The following KDM4C variants were observed in gnomAD, a reference collection of about 807,000 sequenced individuals.
The protein encoded by KDM4C is lysine-specific demethylase 4C.
KDM4C carries 81 observed loss-of-function variants against 129.3 expected under a neutral mutation model. That is an observed-to-expected ratio of 0.63 (90% CI 0.52 to 0.75). KDM4C has a LOEUF of 0.75. Among genes scored for constraint, KDM4C ranks in the 30% least tolerant of loss-of-function variants. KDM4C has a pLI of 0.00. For missense variants in KDM4C, 1,457 were observed against 1,304.0 expected, an observed-to-expected ratio of 1.12 and a Z score of -1.81; for synonymous variants, 573 against 456.1, an observed-to-expected ratio of 1.26 and a Z score of -3.26.
chr9:7,077,510 A>G (rs934221172), intron 17 of KDM4C, among the ~76,000 whole-genome samples: 4 of 152,194 alleles, frequency 2.6e-5, no homozygotes, highest in Non-Finnish European at 4.4e-5. Context: ...TCATATTGAT[A>G]TCTTTATTCC....
intron 1 of KDM4C, among the ~76,000 whole-genome samples, chr9:6,788,847 A>AG (rs1588270475): frequency 6.6e-6 from 1 of 152,112 alleles, no homozygotes; most frequent in African/African-American, 2.4e-5. Context: ...TAGGAATCTC[A>AG]GGGGTGTGCA....
At chr9:6,986,265 C>T in intron 10 of KDM4C, 79 bp from the exon 11 acceptor site, 1 of 938,782 alleles carries the variant, frequency 1.1e-6, no homozygotes, top group South Asian at 1.7e-5. Flanking sequence ...GATACAGAAT[C>T]ATTTGGGAAT....
At chr9:6,740,462 C>T (rs2130257377) in intron 1 of KDM4C, among the ~76,000 whole-genome samples, 1 of 152,246 alleles carries the variant, frequency 6.6e-6, no homozygotes, top group East Asian at 1.9e-4. Context: ...CTCGGCCTCC[C>T]AAAGTGCTGG....
At chr9:6,733,745 G>C (rs1247774330) in intron 1 of KDM4C, among the ~76,000 whole-genome samples, 1 of 152,206 alleles carries the variant, frequency 6.6e-6, no homozygotes, top group African/African-American at 2.4e-5. Context: ...CTATTCCATA[G>C]ACAGAGCAGC....
chr9:6,886,463 C>A (rs1181662889), intron 6 of KDM4C, among the ~76,000 whole-genome samples: 3 of 151,182 alleles, frequency 2.0e-5, no homozygotes, highest in African/African-American at 7.3e-5. Flanking sequence ...CAGGCACGCA[C>A]CACCATGCCC....
rs557264401 is a variant in KDM4C at position 7,082,163 on chromosome 9, G to A, written c.2425-21522G>A. ...GTTTGTGTCACTACAGCCTCACATGGGGCCTGAGTTTATACTCAGGAAAGG... is the reference window on the plus strand; with the variant it reads ...GTTTGTGTCACTACAGCCTCACATGAGGCCTGAGTTTATACTCAGGAAAGG... On this transcript the variant is annotated intron_variant, in intron 17 of 21. Coordinates refer to ENST00000381309, the MANE Select transcript of KDM4C (RefSeq NM_015061.6). Among the ~76,000 whole-genome samples, 18 of 126,390 alleles carry A rather than the reference G, an allele frequency of 1.4e-4. No homozygotes were observed. In the East Asian group the frequency reaches 2.9e-3, roughly 20 times the overall value. 82.9% of individuals were successfully genotyped at this position (126,390 alleles called of 152,430 possible). A position where few individuals can be genotyped will look rare whatever the true frequency, so the allele number is the denominator to read the frequency against.
intron 5 of KDM4C, among the ~76,000 whole-genome samples, chr9:6,856,022 T>G (rs1335089447): frequency 6.6e-6 from 1 of 152,226 alleles, no homozygotes; most frequent in Non-Finnish European, 1.5e-5. Flanking sequence ...ATTATAGGCG[T>G]GAGTCACCAT....
At chr9:6,986,862 C>T (rs2131870366) in intron 11 of KDM4C, 196 bp downstream of exon 11, 1 of 496,666 alleles carries the variant, frequency 2.0e-6, no homozygotes, top group Middle Eastern at 5.1e-4. Context: ...GATAATTTAG[C>T]ACATGGAGCT....
intron 17 of KDM4C, chr9:7,077,145 G>A: frequency 1.0e-6 from 1 of 985,424 alleles, no homozygotes; most frequent in South Asian, 4.7e-5. Context: ...GCTGACAGAT[G>A]TTGAGAACGG....
At chr9:7,171,098 G>T (rs1844916586) in intron 21 of KDM4C, among the ~76,000 whole-genome samples, 1 of 152,108 alleles carries the variant, frequency 6.6e-6, no homozygotes, top group South Asian at 2.1e-4. Context: ...ATGGGATCCT[G>T]ACAGCAGAGT....
At chr9:7,136,848 C>T (rs1841261841) in intron 19 of KDM4C, among the ~76,000 whole-genome samples, 1 of 152,116 alleles carries the variant, frequency 6.6e-6, no homozygotes, top group Non-Finnish European at 1.5e-5. Context: ...TCAACTTTTT[C>T]TTAATGGATC....
At chr9:6,766,410 T>C (rs1369246107) in intron 1 of KDM4C, among the ~76,000 whole-genome samples, 1 of 152,048 alleles carries the variant, frequency 6.6e-6, no homozygotes, top group East Asian at 1.9e-4. Context: ...TGGGAAGGAA[T>C]GGGAAAATTT....
intron 1 of KDM4C, among the ~76,000 whole-genome samples, chr9:6,725,290 G>A (rs1200258748): frequency 1.3e-5 from 2 of 151,142 alleles, no homozygotes; most frequent in Admixed American, 1.3e-4. Flanking sequence ...GCAACTGAGG[G>A]TGAACACATT....
intron 17 of KDM4C, among the ~76,000 whole-genome samples, chr9:7,062,991 A>G (rs911939252): frequency 1.3e-5 from 2 of 152,218 alleles, no homozygotes; most frequent in East Asian, 1.9e-4. Context: ...CACAAACTTT[A>G]TGAAACTCTT....
intron 17 of KDM4C, among the ~76,000 whole-genome samples, chr9:7,081,951 C>T (rs953929153): frequency 6.6e-6 from 1 of 152,056 alleles, no homozygotes; most frequent in African/African-American, 2.4e-5. Context: ...TAGTTGCCGG[C>T]TAATGGACTT....
intron 17 of KDM4C, among the ~76,000 whole-genome samples, chr9:7,091,891 C>G (rs1835847347): frequency 6.6e-6 from 1 of 152,198 alleles, no homozygotes; most frequent in African/African-American, 2.4e-5. Flanking sequence ...TGATGCTTGT[C>G]CTGACACAGG....
chr9:7,008,564 C>G (rs1250026326), intron 12 of KDM4C, among the ~76,000 whole-genome samples: 3 of 152,184 alleles, frequency 2.0e-5, no homozygotes, highest in African/African-American at 4.8e-5. Flanking sequence ...GGGTACAGGT[C>G]TACCATAGAA....
At chr9:7,146,272 T>C (rs899207273) in intron 19 of KDM4C, among the ~76,000 whole-genome samples, 1 of 152,250 alleles carries the variant, frequency 6.6e-6, no homozygotes, top group Non-Finnish European at 1.5e-5. Flanking sequence ...TAGGTGATTA[T>C]GATTTTCAAC....
rs562032098 is a variant in KDM4C, at chr9:7,044,675, C to T, written c.2260-2187C>T. ...AGAAGAAGATATGAGTTCAGTTTTG[C>T]ATGTGTGTTTGAGATACCTGTGGCA... On this transcript the variant is annotated intron_variant, in intron 15 of 21. Transcript: ENST00000381309. Among the ~76,000 whole-genome samples, 5 of 152,024 alleles carry T rather than the reference C, an allele frequency of 3.3e-5. No individual in the cohort carries two copies. In the East Asian group the frequency reaches 9.7e-4, roughly 29 times the overall value.
Sources: gnomAD v4.1 joint callset for allele counts (sites outside exome capture counted in the v4.1 genomes callset) on GRCh38, gnomAD v4.1.1 for gene constraint, MANE v1.5 for transcripts, NCBI Gene and HGNC (gene_info 2026-07-23, HGNC 2026-07-21) for gene names.